Variants in MAST4 observed in about 807,000 individuals in gnomAD.
The protein encoded by MAST4 is microtubule-associated serine/threonine-protein kinase 4.
Under a neutral mutation model 162.7 loss-of-function variants are expected in MAST4, and 89 were observed. The ratio of observed to expected loss-of-function variants is 0.55; its 90% CI spans 0.46 to 0.65. The LOEUF is 0.65. MAST4 is among the 30% of genes least tolerant of loss of function. The pLI, the probability that MAST4 is intolerant of heterozygous loss-of-function variation, is 0.00. For missense variants in MAST4, 3,153 were observed against 3,374.0 expected (o/e 0.93, Z 1.62); for synonymous variants, 1,479 against 1,361.1 (o/e 1.09, Z -1.91).
chr5:66,660,949 C>T (rs955735063), intron 1 of MAST4, among the ~76,000 whole-genome samples: 2 of 152,176 alleles, frequency 1.3e-5, no homozygotes, highest in African/African-American at 4.8e-5. Flanking sequence ...CTATTGCAGT[C>T]AGGCTTTCAA....
chr5:66,786,212 C>A (rs957788453), intron 2 of MAST4, among the ~76,000 whole-genome samples: 1 of 151,942 alleles, frequency 6.6e-6, no homozygotes, highest in Admixed American at 6.6e-5. Flanking sequence ...TTTTCAAATT[C>A]TTCACTGAGT....
chr5:66,751,897 A>G (rs879264629), intron 1 of MAST4, among the ~76,000 whole-genome samples: 1 of 150,016 alleles, frequency 6.7e-6, no homozygotes, highest in Non-Finnish European at 1.5e-5. Context: ...CCAGAGAGAA[A>G]GGTCGGGTTA....
intron 1 of MAST4, among the ~76,000 whole-genome samples, chr5:66,694,648 T>A (rs1749278526): frequency 6.6e-6 from 1 of 151,906 alleles, no homozygotes; most frequent in Non-Finnish European, 1.5e-5. Context: ...CACCATGCCC[T>A]GCTAATTTTT....
At chr5:66,879,171 C>T (rs944069795) in intron 3 of MAST4, among the ~76,000 whole-genome samples, 15 of 152,074 alleles carry the variant, frequency 9.9e-5, no homozygotes, top group Middle Eastern at 6.8e-3. Context: ...TCCAGCTACT[C>T]GGGAGGCTGA....
intron 23 of MAST4, among the ~76,000 whole-genome samples, chr5:67,148,430 G>A (rs1401893803): frequency 2.6e-5 from 4 of 152,124 alleles, no homozygotes; most frequent in Admixed American, 2.0e-4. Context: ...GACTCAAAAT[G>A]TCACCCTGCT....
chr5:66,891,777 C>A (rs1762379588), intron 3 of MAST4, among the ~76,000 whole-genome samples: 1 of 152,182 alleles, frequency 6.6e-6, no homozygotes, highest in Non-Finnish European at 1.5e-5. Context: ...AGACCAGGCT[C>A]AAGTATTGTG....
Position 66,690,479 on chromosome 5 carries a change from G to A in MAST4, c.364-69230G>A, listed in dbSNP as rs376194645. 2.1e-4 allele frequency among the ~76,000 whole-genome samples: 32 copies of A among 152,244 alleles called. No homozygotes were observed. The South Asian group carries it at 6.4e-3, about 31-fold the overall frequency. Reference sequence around the variant, plus strand: ...CTTCTAGTTATTGCTTCCCAGCCACGAGCTAAAATTTCAAATGCCACTGGC... The same window carrying A: ...CTTCTAGTTATTGCTTCCCAGCCACAAGCTAAAATTTCAAATGCCACTGGC... On this transcript the variant is annotated intron_variant, in intron 1 of 28. Coordinates refer to ENST00000403625, the MANE Select transcript of MAST4 (RefSeq NM_001164664.2).
chr5:66,962,704 GAACAAC>G (rs112715329), intron 4 of MAST4, among the ~76,000 whole-genome samples: 14 of 151,890 alleles, frequency 9.2e-5, no homozygotes, highest in Admixed American at 3.9e-4. Flanking sequence ...GTCTCAAAAA[GAACAAC>G]AACAACAACA....
At chr5:66,612,394 C>G (rs189551211) in intron 1 of MAST4, among the ~76,000 whole-genome samples, 3 of 152,108 alleles carry the variant, frequency 2.0e-5, no homozygotes, top group Non-Finnish European at 4.4e-5. Flanking sequence ...TTTGGGACTC[C>G]CCCGAGTACC....
intron 3 of MAST4, among the ~76,000 whole-genome samples, chr5:66,855,611 G>T (rs182705513): frequency 1.3e-5 from 2 of 152,296 alleles, no homozygotes; most frequent in Non-Finnish European, 2.9e-5. Flanking sequence ...CAATGCCAGT[G>T]TAAGGGTGCT....
At chr5:66,883,064 A>G (rs1474716010) in intron 3 of MAST4, among the ~76,000 whole-genome samples, 1 of 152,230 alleles carries the variant, frequency 6.6e-6, no homozygotes, top group Non-Finnish European at 1.5e-5. Flanking sequence ...AAAATATGCT[A>G]AGGACATAAA....
chr5:67,087,807 C>T (rs896504569), intron 5 of MAST4, among the ~76,000 whole-genome samples: 1 of 152,152 alleles, frequency 6.6e-6, no homozygotes, highest in Non-Finnish European at 1.5e-5. Flanking sequence ...GCAGAAACAT[C>T]TGCGATTAGT....
intron 1 of MAST4, among the ~76,000 whole-genome samples, chr5:66,601,084 G>A (rs545936078): frequency 1.3e-5 from 2 of 152,286 alleles, no homozygotes; most frequent in Admixed American, 6.5e-5. Flanking sequence ...TTATGGAGTG[G>A]GGGGTTTCCC....
Position 66,993,867 on chromosome 5 carries a change from G to A in MAST4, c.675-60537G>A, listed in dbSNP as rs1750308453. On this transcript the variant is annotated intron_variant, in intron 4 of 28. Transcript: ENST00000403625. ...AATCACCTGGACATTTTAGTAGAAT[G>A]CAGATTTCTGGGCTGTACTTCCAGA... Among the ~76,000 whole-genome samples, 3 of 151,032 alleles carry A rather than the reference G, an allele frequency of 2.0e-5. No homozygotes were observed. The South Asian group carries it at 6.3e-4, about 32-fold the overall frequency.
chr5:66,759,516 A>C (rs1753732847), intron 1 of MAST4, among the ~76,000 whole-genome samples, 193 bp from the exon 2 acceptor site: 3 of 152,250 alleles, frequency 2.0e-5, no homozygotes, highest in Admixed American at 6.5e-5. Context: ...TTTTGCAGCA[A>C]GCCAGACTCT....
At chr5:66,745,156 G>A (rs1271475913) in intron 1 of MAST4, among the ~76,000 whole-genome samples, 2 of 152,144 alleles carry the variant, frequency 1.3e-5, no homozygotes, top group East Asian at 1.9e-4. Context: ...AAATTTATAC[G>A]GCTGATAAGT....
chr5:67,030,174 C>T (rs1289439858), intron 4 of MAST4, among the ~76,000 whole-genome samples: 1 of 152,070 alleles, frequency 6.6e-6, no homozygotes, highest in Non-Finnish European at 1.5e-5. Flanking sequence ...ATGGGTCATT[C>T]ACATCCTTAT....
chr5:66,910,855 C>T (rs1472311094), intron 4 of MAST4, among the ~76,000 whole-genome samples: 1 of 148,902 alleles, frequency 6.7e-6, no homozygotes, highest in South Asian at 2.2e-4. Flanking sequence ...TCAGGCGATT[C>T]TCCTGCCTCA....
chr5:66,842,349 A>G (rs1758486615), intron 3 of MAST4, among the ~76,000 whole-genome samples: 1 of 152,192 alleles, frequency 6.6e-6, no homozygotes, highest in Admixed American at 6.5e-5. Context: ...TTTTAAATGG[A>G]CAAAATTTGC....
Sources: gnomAD v4.1 joint callset for allele counts (sites outside exome capture counted in the v4.1 genomes callset) on GRCh38, gnomAD v4.1.1 for gene constraint, MANE v1.5 for transcripts, NCBI Gene and HGNC (gene_info 2026-07-23, HGNC 2026-07-21) for gene names.